Variants in HSPA13 observed in about 807,000 individuals in gnomAD.
HSPA13 encodes heat shock 70 kDa protein 13.
A neutral mutation model predicts 38.8 loss-of-function variants in HSPA13; 29 were observed. That is an observed-to-expected ratio of 0.75 (90% confidence interval 0.56 to 1.02). The LOEUF (loss-of-function observed/expected upper bound fraction) is 1.02. Among genes scored for constraint, HSPA13 ranks in the 50% least tolerant of loss-of-function variants. The pLI is 0.00. For missense variants in HSPA13, 451 were observed against 560.9 expected, an observed-to-expected ratio of 0.80 and a Z score of 1.98; for synonymous variants, 192 against 205.3, an observed-to-expected ratio of 0.94 and a Z score of 0.56.
At chr21:14,378,023 A>T (rs745392071) in intron 3 of HSPA13, among the ~76,000 whole-genome samples, 176 bp downstream of exon 3, 1 of 152,238 alleles carries the variant, frequency 6.6e-6, no homozygotes, top group African/African-American at 2.4e-5. Context: ...AATCCCTTTC[A>T]TATACACATA....
intron 2 of HSPA13, among the ~76,000 whole-genome samples, chr21:14,379,609 A>G (rs965144851): frequency 1.3e-5 from 2 of 152,246 alleles, no homozygotes; most frequent in African/African-American, 2.4e-5. Flanking sequence ...TGTAATTCAG[A>G]GGGCATATAT....
In HSPA13 at chr21:14,374,002, C is replaced by T. The variant is rs774974428; in HGVS notation, c.1031G>A (p.Gly344Glu). Residue 344 changes from glycine to glutamate, a missense_variant, in exon 5 of 5, where the codon GGG (glycine) becomes GAG (glutamate). Transcript: ENST00000285667. The stretch of plus-strand genomic sequence containing the variant: ...CTTATCAGAAAGGCCACGTCCAAAC[C>T]CACTGTTCACGCGATGGTCATCTGC... Reference protein sequence around the residue: ...SSADDHRVNSGFGRGLSDKKS... With the variant: ...SSADDHRVNSEFGRGLSDKKS... 19 of 1,614,192 alleles carry T rather than the reference C, an allele frequency of 1.2e-5. No homozygotes were observed. The highest frequency in any genetic ancestry group is 1.5e-5 in the Non-Finnish European group (18 of 1,180,034).
At chr21:14,383,005 C>T (rs1568724404) in intron 1 of HSPA13, 90 bp downstream of exon 1, 2 of 1,419,322 alleles carry the variant, frequency 1.4e-6, no homozygotes. Context: ...CCAGCTAGAT[C>T]CAGGAGGTGA....
intron 2 of HSPA13, among the ~76,000 whole-genome samples, chr21:14,379,113 G>A (rs1366117475): frequency 6.6e-6 from 1 of 151,928 alleles, no homozygotes; most frequent in Non-Finnish European, 1.5e-5. Flanking sequence ...TAAGAGTAAT[G>A]GATAGCTGAA....
At position 14,371,823 on chromosome 21, in the gene HSPA13, A is replaced by C. The variant is rs890846842; in HGVS notation, c.*1794T>G. On this transcript the variant is annotated 3_prime_UTR_variant, in exon 5 of 5. Transcript: ENST00000285667. ...TGAGATAAATTGGAACACTTTTAGAAGACCTTCACAAAGAATTTTTCAATT... is the reference window on the plus strand; with the variant it reads ...TGAGATAAATTGGAACACTTTTAGACGACCTTCACAAAGAATTTTTCAATT... 1 of 152,376 alleles carries C rather than the reference A, an allele frequency of 6.6e-6. No individual in the cohort carries two copies. Among genetic ancestry groups the C allele is most frequent in the African/African-American group, 2.4e-5 (1 of 41,450 alleles). The allele number at this position is 152,376 out of a possible 1,614,324, so 9.4% of individuals were successfully genotyped here.
chr21:14,374,918 T>G (rs1983982118), intron 4 of HSPA13, among the ~76,000 whole-genome samples: 1 of 152,038 alleles, frequency 6.6e-6, no homozygotes, highest in African/African-American at 2.4e-5. Context: ...ATAAATAATT[T>G]CAAAGGAAAA....
chr21:14,375,856 G>GATTACTT, intron 3 of HSPA13, 37 bp from the exon 4 acceptor site: 1 of 1,570,064 alleles, frequency 6.4e-7, no homozygotes, highest in Non-Finnish European at 8.7e-7. Context: ...ATTCATGAGA[G>GATTACTT]GATGCGATCA....
rs1199092971 is a variant in HSPA13, at chr21:14,372,769, A to G, written c.*848T>C. The G allele has an allele frequency of 6.6e-6, 1 of 152,152 alleles. No homozygotes were observed. The highest frequency in any genetic ancestry group is 1.5e-5 in the Non-Finnish European group (1 of 67,986). The allele number at this position is 152,152 out of a possible 1,614,324, so 9.4% of individuals were successfully genotyped here. ...AGTAGGTAATTGATGCTATTTGCCA[A>G]TGTTTGCAAAGGTCTCGGATAACAA... On this transcript the variant is annotated 3_prime_UTR_variant, in exon 5 of 5. Transcript: ENST00000285667.
intron 2 of HSPA13, 49 bp from the exon 3 acceptor site, chr21:14,378,461 TACAG>T: frequency 8.5e-7 from 1 of 1,178,962 alleles, no homozygotes; most frequent in Non-Finnish European, 1.3e-6. Context: ...AGTAAAAGCA[TACAG>T]ACATACATAT....
Position 14,378,564 on chromosome 21 carries a change from G to A in HSPA13, c.367-152C>T, listed in dbSNP as rs979308185. On this transcript the variant is annotated intron_variant, in intron 2 of 4. Transcript: ENST00000285667. ...GAAATCTATCTAGTACATTTACCAAGATTAGAACTTGTTAAATGTTATACA... is the reference window on the plus strand; with the variant it reads ...GAAATCTATCTAGTACATTTACCAAAATTAGAACTTGTTAAATGTTATACA... 5.0e-6 allele frequency: 3 copies of A among 601,316 alleles called. No homozygotes were observed. In the African/African-American group the frequency reaches 5.6e-5, roughly 11 times the overall value. The allele number at this position is 601,316 out of a possible 1,614,324, so 37.2% of individuals were successfully genotyped here.
Position 14,381,238 on chromosome 21 carries a change from C to A in HSPA13, c.331G>T (p.Glu111Ter), listed in dbSNP as rs1314493022. The change falls in exon 2 of 5, where the codon GAG becomes TAG. Residue 111 changes from glutamate (E) to a stop codon, truncating the protein, a stop_gained. Transcript: ENST00000285667. LOFTEE classifies it high-confidence loss of function. ...RFIGKIFTAE[E>*]LEAEIGRYPF... ...TATCTGCCAATTTCAGCCTCCAACT[C>A]TTCTGCGGTAAAAATCTTGCCTATG... The A allele has an allele frequency of 6.2e-7, 1 of 1,609,952 alleles. No homozygotes were observed. Among genetic ancestry groups the A allele is most frequent in the Non-Finnish European group, 8.5e-7 (1 of 1,177,652 alleles).
At position 14,381,060 on chromosome 21, in the gene HSPA13, G is replaced by C. The variant is rs529690616; in HGVS notation, c.366+143C>G. On this transcript the variant is annotated intron_variant, in intron 2 of 4. Transcript: ENST00000285667. ...ATTAACTGATCCTATAGCTGCTGTGGAATTTCTGGTTATGTGAGATAACAG... is the reference window on the plus strand; with the variant it reads ...ATTAACTGATCCTATAGCTGCTGTGCAATTTCTGGTTATGTGAGATAACAG... 1.5e-4 allele frequency: 99 copies of C among 649,246 alleles called. No homozygotes were observed. The East Asian group carries it at 2.5e-3, about 16-fold the overall frequency. The allele number at this position is 649,246 out of a possible 1,614,324, so 40.2% of individuals were successfully genotyped here. A position where few individuals can be genotyped will look rare whatever the true frequency, so the allele number is the denominator to read the frequency against.
chr21:14,377,002 G>A (rs1441374739), intron 3 of HSPA13, among the ~76,000 whole-genome samples: 3 of 152,190 alleles, frequency 2.0e-5, no homozygotes, highest in Non-Finnish European at 4.4e-5. Context: ...ACCTCCAGAA[G>A]AAATCTGGCA....
intron 2 of HSPA13, 89 bp downstream of exon 2, chr21:14,381,114 G>C: frequency 1.0e-6 from 1 of 982,472 alleles, no homozygotes; most frequent in East Asian, 2.5e-5. Context: ...GATAAAACTA[G>C]ACGAGATAGA....
rs200061431 is a variant in HSPA13, at chr21:14,374,097, C to T, written c.936G>A (p.Thr312=). ...GTTCCTTCCTGTCCTGCTCCTCCAC[C>T]GTTAGTAATACTGACAACTGAGCAG... ...HQSAQLSVLL[T]VEEQDRKEPH... is the part of the protein sequence containing the mutation. The change falls in exon 5 of 5, where the codon ACG becomes ACA. Residue 312 remains threonine (T), a synonymous_variant. Transcript: ENST00000285667. 286 of 1,614,112 alleles carry T rather than the reference C, an allele frequency of 1.8e-4. 1 individual carries two copies. In the South Asian group the frequency reaches 2.5e-3, roughly 14 times the overall value.
intron 2 of HSPA13, among the ~76,000 whole-genome samples, chr21:14,380,749 T>C (rs1984146735): frequency 6.6e-6 from 1 of 152,204 alleles, no homozygotes; most frequent in Admixed American, 6.5e-5. Context: ...TGATAGAGAC[T>C]AGTCTAATTA....
rs1451721897 is a variant in HSPA13, at chr21:14,371,786, A to G, written c.*1831T>C. 1 of 152,218 alleles carries G rather than the reference A, an allele frequency of 6.6e-6. No individual in the cohort carries two copies. Among genetic ancestry groups the G allele is most frequent in the Non-Finnish European group, 1.5e-5 (1 of 67,954 alleles). 9.4% of individuals were successfully genotyped at this position (152,218 alleles called of 1,614,324 possible). On this transcript the variant is annotated 3_prime_UTR_variant, in exon 5 of 5. Transcript: ENST00000285667. ...TCTTTATGTTTTAAGCTGATCCTAT[A>G]TATGGAGATTTTGAGATAAATTGGA...
At chr21:14,382,278 C>A (rs1038676331) in intron 1 of HSPA13, among the ~76,000 whole-genome samples, 1 of 151,906 alleles carries the variant, frequency 6.6e-6, no homozygotes, top group South Asian at 2.1e-4. Context: ...ACTGTTGTAT[C>A]CCCCAGACCA....
chr21:14,375,476 C>T (rs2123523275), intron 4 of HSPA13, among the ~76,000 whole-genome samples, 176 bp downstream of exon 4: 1 of 149,792 alleles, frequency 6.7e-6, no homozygotes, highest in African/African-American at 2.4e-5. Context: ...TCAACTCTCC[C>T]TGCATTTTTC....
Sources: allele counts gnomAD v4.1 joint callset (sites outside exome capture counted in the v4.1 genomes callset), GRCh38; gene constraint gnomAD v4.1.1; transcripts MANE v1.5; gene names NCBI Gene and HGNC (gene_info 2026-07-23, HGNC 2026-07-21).